Variants in AUTS2 observed in about 807,000 individuals in gnomAD.
The protein encoded by AUTS2 is autism susceptibility gene 2 protein.
Under a neutral mutation model 112.4 loss-of-function variants are expected in AUTS2, and 17 were observed. That is an observed-to-expected ratio of 0.15 (90% CI 0.10 to 0.23). The LOEUF is 0.23. Ranked by LOEUF, AUTS2 falls within the 10% of genes least tolerant of loss-of-function variation. The pLI is 1.00. For synonymous variants in AUTS2, 751 were observed against 702.7 expected, an observed-to-expected ratio of 1.07 and a Z score of -1.09; for missense variants, 1,510 against 1,701.6, an observed-to-expected ratio of 0.89 and a Z score of 1.98.
intron 1 of AUTS2, among the ~76,000 whole-genome samples, chr7:69,690,994 A>G (rs1797319996): frequency 6.6e-6 from 1 of 152,068 alleles, no homozygotes; most frequent in Admixed American, 6.5e-5. Flanking sequence ...GTCAGCAGAG[A>G]GGAGACCCAT....
At chr7:70,738,418 G>T (rs201262512) in intron 6 of AUTS2, among the ~76,000 whole-genome samples, 97 of 142,890 alleles carry the variant, frequency 6.8e-4, no homozygotes, top group Non-Finnish European at 1.0e-3. Context: ...CAAGTTTTTT[G>T]TTTTTTTTTT....
At chr7:70,771,770 G>A in intron 11 of AUTS2, 126 bp downstream of exon 11, 1 of 656,798 alleles carries the variant, frequency 1.5e-6, no homozygotes, top group South Asian at 3.4e-5. Flanking sequence ...AGTGACCACT[G>A]GGATTAGAGT....
intron 4 of AUTS2, among the ~76,000 whole-genome samples, chr7:70,231,447 T>G (rs904523707): frequency 6.6e-6 from 1 of 152,112 alleles, no homozygotes; most frequent in Non-Finnish European, 1.5e-5. Context: ...TTTTGTTTTT[T>G]GTTTTTTGTT....
At chr7:70,479,254 A>G (rs1797698418) in intron 5 of AUTS2, among the ~76,000 whole-genome samples, 1 of 152,160 alleles carries the variant, frequency 6.6e-6, no homozygotes, top group South Asian at 2.1e-4. Context: ...ATAAAGCCAT[A>G]AAATGTTCCT....
At chr7:70,182,342 T>C (rs1273781864) in intron 4 of AUTS2, among the ~76,000 whole-genome samples, 1 of 152,232 alleles carries the variant, frequency 6.6e-6, no homozygotes, top group African/African-American at 2.4e-5. Context: ...TTTTGAACTT[T>C]ATCCAGGATG....
At chr7:70,254,697 T>C (rs1786766539) in intron 4 of AUTS2, among the ~76,000 whole-genome samples, 1 of 152,214 alleles carries the variant, frequency 6.6e-6, no homozygotes, top group Non-Finnish European at 1.5e-5. Flanking sequence ...CTTTTGTAGT[T>C]TGTAATCTCC....
intron 4 of AUTS2, among the ~76,000 whole-genome samples, chr7:70,348,601 G>C (rs372347894): frequency 6.6e-6 from 1 of 151,938 alleles, no homozygotes; most frequent in Non-Finnish European, 1.5e-5. Context: ...TCAGGAGATC[G>C]AGACCATCCT....
At chr7:70,113,975 G>A (rs1805222821) in intron 2 of AUTS2, among the ~76,000 whole-genome samples, 1 of 152,096 alleles carries the variant, frequency 6.6e-6, no homozygotes, top group Admixed American at 6.6e-5. Flanking sequence ...CACTGTAATG[G>A]GATCACAATT....
chr7:70,620,899 GC>G (rs1479012259), intron 5 of AUTS2, among the ~76,000 whole-genome samples: 1 of 152,062 alleles, frequency 6.6e-6, no homozygotes, highest in Non-Finnish European at 1.5e-5. Flanking sequence ...GAGGAGGGTT[GC>G]CAAAGAGTTG....
chr7:69,889,019 C>T (rs1794403315), intron 1 of AUTS2, among the ~76,000 whole-genome samples: 1 of 152,190 alleles, frequency 6.6e-6, no homozygotes, highest in African/African-American at 2.4e-5. Flanking sequence ...CCAACAGCTT[C>T]AGAATGAGAG....
At chr7:69,761,894 G>C (rs553062968) in intron 1 of AUTS2, among the ~76,000 whole-genome samples, 1 of 152,294 alleles carries the variant, frequency 6.6e-6, no homozygotes, top group East Asian at 1.9e-4. Context: ...GATTTTGGAT[G>C]CATGTTGGGC....
chr7:70,223,487 T>G (rs1401734064), intron 4 of AUTS2, among the ~76,000 whole-genome samples: 1 of 152,228 alleles, frequency 6.6e-6, no homozygotes, highest in African/African-American at 2.4e-5. Context: ...CTGATGCTGG[T>G]GTAAACAAAC....
rs777099881 is a variant in AUTS2 at position 70,787,242 on chromosome 7, C to G, written c.2342C>G (p.Pro781Arg). The change falls in exon 18 of 19, where the codon CCC becomes CGC. Residue 781 changes from proline to arginine, a missense_variant. Pro to Arg is a moderately radical substitution (Grantham distance 103). Coordinates refer to ENST00000342771, the MANE Select transcript of AUTS2 (RefSeq NM_015570.4). The part of the protein sequence containing the change: ...PNSMFGHKDG[P>R]SVQNFSNPHE... ...TCAATGTTCGGCCACAAGGATGGCC[C>G]CAGTGTGCAGAACTTTAGCAACCCT... 6.2e-7 allele frequency: 1 copy of G among 1,614,222 alleles called. No homozygotes were observed. Among genetic ancestry groups the G allele is most frequent in the Non-Finnish European group, 8.5e-7 (1 of 1,180,042 alleles).
intron 5 of AUTS2, among the ~76,000 whole-genome samples, chr7:70,515,993 G>T (rs984809462): frequency 6.6e-6 from 1 of 152,126 alleles, no homozygotes; most frequent in Non-Finnish European, 1.5e-5. Context: ...CCAAACGATC[G>T]TTCACCTTCA....
At chr7:70,626,517 T>A (rs1386982090) in intron 5 of AUTS2, among the ~76,000 whole-genome samples, 1 of 151,934 alleles carries the variant, frequency 6.6e-6, no homozygotes, top group Non-Finnish European at 1.5e-5. Context: ...TTTTAAAAAA[T>A]TTCCACTTTT....
At chr7:70,633,088 A>G (rs547848660) in intron 5 of AUTS2, among the ~76,000 whole-genome samples, 3 of 152,336 alleles carry the variant, frequency 2.0e-5, no homozygotes, top group Non-Finnish European at 4.4e-5. Context: ...AGAGGGCAAG[A>G]CAGTGACTGT....
chr7:70,354,513 T>G (rs1388123672), intron 4 of AUTS2, among the ~76,000 whole-genome samples: 1 of 152,158 alleles, frequency 6.6e-6, no homozygotes, highest in African/African-American at 2.4e-5. Context: ...TGAGGTAAAG[T>G]CTTATTATTA....
chr7:70,342,630 G>T (rs915897015), intron 4 of AUTS2, among the ~76,000 whole-genome samples: 18 of 152,216 alleles, frequency 1.2e-4, no homozygotes, highest in Middle Eastern at 3.4e-3. Flanking sequence ...TAATTTTAAT[G>T]AGTTTAAATT....
intron 1 of AUTS2, among the ~76,000 whole-genome samples, chr7:69,866,092 C>T (rs1793219132): frequency 6.6e-6 from 1 of 152,134 alleles, no homozygotes; most frequent in Non-Finnish European, 1.5e-5. Context: ...ACATCACCTG[C>T]AAGTAGCTGA....
Sources: gnomAD v4.1 joint callset for allele counts (sites outside exome capture counted in the v4.1 genomes callset) on GRCh38, gnomAD v4.1.1 for gene constraint, MANE v1.5 for transcripts, NCBI Gene and HGNC (gene_info 2026-07-23, HGNC 2026-07-21) for gene names.